The following DACH2 variants were observed in gnomAD, a reference collection of about 807,000 sequenced individuals.
DACH2 encodes dachshund homolog 2.
Under a neutral mutation model 35.8 loss-of-function variants are expected in DACH2, and 17 were observed. The ratio of observed to expected loss-of-function variants is 0.48; its 90% CI spans 0.33 to 0.71. The LOEUF is 0.71. Among genes scored for constraint, DACH2 ranks in the 30% least tolerant of loss-of-function variants. The pLI, the probability that DACH2 is intolerant of heterozygous loss-of-function variation, is 0.02. For missense variants in DACH2, 469 were observed against 472.7 expected, an observed-to-expected ratio of 0.99 and a Z score of 0.07; for synonymous variants, 195 against 177.3, an observed-to-expected ratio of 1.10 and a Z score of -0.79.
chrX:86,603,716 G>A (rs1162115101), intron 3 of DACH2, among the ~76,000 whole-genome samples: 2 of 110,776 alleles, frequency 1.8e-5, no homozygotes, highest in Non-Finnish European at 3.8e-5. Context: ...TTCCACTCTT[G>A]CACTTGGCTT....
At position 86,738,813 on chromosome X, in the gene DACH2, C is replaced by CT. The variant is rs747173023; in HGVS notation, c.1105-932dup. 5.5e-4 allele frequency among the ~76,000 whole-genome samples: 61 copies of CT among 110,872 alleles called. No homozygotes were observed. In the East Asian group the frequency reaches 0.014, roughly 26 times the overall value. Reference sequence around the variant, plus strand: ...TATATGGAATAGTAGAAGAATTGACCTTGATAGATCATAGTGTAAGTTTGA... The same window carrying CT: ...TATATGGAATAGTAGAAGAATTGACCTTTGATAGATCATAGTGTAAGTTTGA... On this transcript the variant is annotated intron_variant, in intron 6 of 11. Transcript: ENST00000373125.
intron 2 of DACH2, among the ~76,000 whole-genome samples, chrX:86,507,973 G>T (rs2038348666): frequency 9.0e-6 from 1 of 111,508 alleles, no homozygotes; most frequent in Non-Finnish European, 1.9e-5. Flanking sequence ...CGAAATGAAA[G>T]GAGAGGACAA....
At chrX:86,804,604 G>A (rs973459378) in intron 7 of DACH2, among the ~76,000 whole-genome samples, 1 of 112,077 alleles carries the variant, frequency 8.9e-6, no homozygotes, top group Non-Finnish European at 1.9e-5. Context: ...GCAGTCCAAA[G>A]TCTTATCTGA....
intron 3 of DACH2, among the ~76,000 whole-genome samples, chrX:86,562,063 G>A (rs2039228213): frequency 9.2e-6 from 1 of 109,062 alleles, no homozygotes; most frequent in Non-Finnish European, 1.9e-5. Context: ...ATATTCCAAA[G>A]GTAAAGCTTC....
rs2038765920 is a variant in DACH2 at position 86,534,328 on chromosome X, T to A, written c.640+19937T>A. On this transcript the variant is annotated intron_variant, in intron 3 of 11. Transcript: ENST00000373125. ...TTGTCTAGACAGAATGAAAGTAGGT[T>A]GTATGAACTATTTCTGTTCACAGAA... Among the ~76,000 whole-genome samples the A allele has an allele frequency of 2.7e-5, 3 of 112,164 alleles. No individual in the cohort carries two copies. In the South Asian group the frequency reaches 1.1e-3, roughly 41 times the overall value.
At chrX:86,220,889 A>G (rs777474617) in intron 1 of DACH2, among the ~76,000 whole-genome samples, 4 of 112,117 alleles carry the variant, frequency 3.6e-5, no homozygotes, top group African/African-American at 9.7e-5. Flanking sequence ...GTTATCTTTT[A>G]TAAAAATTAA....
At chrX:86,760,393 T>C (rs2041868380) in intron 7 of DACH2, among the ~76,000 whole-genome samples, 1 of 112,272 alleles carries the variant, frequency 8.9e-6, no homozygotes, top group Non-Finnish European at 1.9e-5. Flanking sequence ...TCATACTTTT[T>C]CAATTCTTTT....
chrX:86,607,984 C>T (rs1176967001), intron 3 of DACH2, among the ~76,000 whole-genome samples: 1 of 104,502 alleles, frequency 9.6e-6, no homozygotes, highest in Non-Finnish European at 2.0e-5. Flanking sequence ...TTTCTTAATC[C>T]AGTCTATCAT....
At chrX:86,644,190 G>A (rs747310541) in intron 3 of DACH2, among the ~76,000 whole-genome samples, 2 of 110,177 alleles carry the variant, frequency 1.8e-5, no homozygotes, top group Admixed American at 9.7e-5. Context: ...GTTTGTGGAC[G>A]ATATGATTCA....
intron 1 of DACH2, among the ~76,000 whole-genome samples, chrX:86,350,183 G>A (rs867536160): frequency 0.015 from 317 of 21,037 alleles, no homozygotes; most frequent in Admixed American, 0.028. Context: ...CAAAACAAGT[G>A]TCTGTTCATG....
intron 1 of DACH2, among the ~76,000 whole-genome samples, chrX:86,217,327 G>T (rs2032600565): frequency 9.0e-6 from 1 of 111,224 alleles, no homozygotes; most frequent in Non-Finnish European, 1.9e-5. Flanking sequence ...CTTGCAAATC[G>T]CTGTGCTCCA....
chrX:86,563,508 A>G (rs1429979494), intron 3 of DACH2, among the ~76,000 whole-genome samples: 1 of 111,045 alleles, frequency 9.0e-6, no homozygotes, highest in Non-Finnish European at 1.9e-5. Context: ...TGTAATATTA[A>G]TATTATCAAA....
At chrX:86,714,872 C>A in intron 6 of DACH2, 152 bp downstream of exon 6, 2 of 436,478 alleles carry the variant, frequency 4.6e-6, no homozygotes, top group Non-Finnish European at 7.2e-6. Context: ...TGTGACTAGG[C>A]CTGCCAGGTT....
At chrX:86,532,708 T>A (rs772899650) in intron 3 of DACH2, among the ~76,000 whole-genome samples, 104 of 111,479 alleles carry the variant, frequency 9.3e-4, no homozygotes, top group African/African-American at 3.1e-3. Context: ...TTAGAGATAC[T>A]TATTGAGATA....
Position 86,542,579 on chromosome X carries a change from G to A in DACH2, c.640+28188G>A, listed in dbSNP as rs143533636. Among the ~76,000 whole-genome samples the A allele has an allele frequency of 4.1e-4, 46 of 111,323 alleles. No homozygotes were observed. The East Asian group carries it at 6.8e-3, about 16-fold the overall frequency. Reference sequence around the variant, plus strand: ...CCATGCCCCTTGAACATCCTGGCCCGCAGAACCATAAGCTAAATAAACCTG... The same window carrying A: ...CCATGCCCCTTGAACATCCTGGCCCACAGAACCATAAGCTAAATAAACCTG... On this transcript the variant is annotated intron_variant, in intron 3 of 11. Coordinates refer to ENST00000373125, the MANE Select transcript of DACH2 (RefSeq NM_053281.3).
chrX:86,638,144 A>G (rs2040300156), intron 3 of DACH2, among the ~76,000 whole-genome samples: 1 of 111,896 alleles, frequency 8.9e-6, no homozygotes, highest in Non-Finnish European at 1.9e-5. Context: ...CAAAGTTGAC[A>G]AAAACATACA....
At chrX:86,295,529 A>G (rs1413130992) in intron 1 of DACH2, among the ~76,000 whole-genome samples, 1 of 111,386 alleles carries the variant, frequency 9.0e-6, no homozygotes, top group Non-Finnish European at 1.9e-5. Context: ...CTGTCTTTCA[A>G]GTTTATTTGC....
chrX:86,564,318 A>C (rs1005879417), intron 3 of DACH2, among the ~76,000 whole-genome samples: 11 of 111,698 alleles, frequency 9.8e-5, no homozygotes, highest in Admixed American at 2.9e-4. Flanking sequence ...ACATTATTGC[A>C]AACTGTTTAC....
At chrX:86,562,163 G>A (rs902698112) in intron 3 of DACH2, among the ~76,000 whole-genome samples, 27 of 110,716 alleles carry the variant, frequency 2.4e-4, no homozygotes, top group Non-Finnish European at 3.6e-4. Context: ...GGGGTGGCCA[G>A]GTATTAATAG....
Sources: allele counts gnomAD v4.1 joint callset (sites outside exome capture counted in the v4.1 genomes callset), GRCh38; gene constraint gnomAD v4.1.1; transcripts MANE v1.5; gene names NCBI Gene and HGNC (gene_info 2026-07-23, HGNC 2026-07-21).